Variants in CDH13 observed in about 807,000 individuals in gnomAD.
The protein encoded by CDH13 is cadherin 13.
A neutral mutation model predicts 63.8 loss-of-function variants in CDH13; 24 were observed. The observed-to-expected ratio is 0.38, with a 90% CI of 0.27 to 0.53. The LOEUF is 0.53. Among genes scored for constraint, CDH13 ranks in the 20% least tolerant of loss-of-function variants. The pLI, the probability that CDH13 is intolerant of heterozygous loss-of-function variation, is 0.85. For missense variants in CDH13, 1,049 were observed against 903.1 expected, an observed-to-expected ratio of 1.16 and a Z score of -2.07; for synonymous variants, 503 against 355.3, an observed-to-expected ratio of 1.42 and a Z score of -4.67.
In CDH13 at chr16:83,286,795, TACAC is replaced by T. The variant is rs529791841; in HGVS notation, c.637-58059_637-58056del. Among the ~76,000 whole-genome samples the T allele has an allele frequency of 3.8e-3, 572 of 150,002 alleles. 3 individuals are homozygous for T. The highest frequency in any genetic ancestry group is 0.013 in the African/African-American group (541 of 41,088). On this transcript the variant is annotated intron_variant, in intron 5 of 13. Transcript: ENST00000567109. ...GTATATATATATATTTATATATATATACACACACACATATAAATATATTTACATC... is the reference window on the plus strand; with the variant it reads ...GTATATATATATATTTATATATATATACACACATATAAATATATTTACATC...
At chr16:83,212,464 A>G (rs1011106693) in intron 4 of CDH13, among the ~76,000 whole-genome samples, 14 of 152,168 alleles carry the variant, frequency 9.2e-5, no homozygotes, top group African/African-American at 2.9e-4. Context: ...CCTCCAAGCC[A>G]TGGGGTGCCT....
intron 2 of CDH13, among the ~76,000 whole-genome samples, chr16:82,988,418 G>A (rs1263823394): frequency 6.6e-6 from 1 of 152,042 alleles, no homozygotes; most frequent in African/African-American, 2.4e-5. Context: ...AGTTATAGAG[G>A]CAGATGTTGA....
In CDH13 at chr16:83,451,473, T is replaced by C. The variant is rs150130948; in HGVS notation, c.782-35004T>C. On this transcript the variant is annotated intron_variant, in intron 6 of 13. Transcript: ENST00000567109. ...CAATTGTGGGAGCTACAATTCAAGA[T>C]TTGGGTGGGGACACAGCCAAACCAT... 2.7e-3 allele frequency among the ~76,000 whole-genome samples: 411 copies of C among 152,302 alleles called. 3 individuals are homozygous for C. The highest frequency in any genetic ancestry group is 9.5e-3 in the African/African-American group (393 of 41,574).
intron 10 of CDH13, among the ~76,000 whole-genome samples, chr16:83,740,193 G>C (rs754833222): frequency 1.4e-4 from 22 of 152,016 alleles, no homozygotes; most frequent in Non-Finnish European, 2.9e-4. Context: ...AGAAAGTCAG[G>C]CAGGTCCAGA....
At chr16:82,992,359 A>G (rs146752283) in intron 2 of CDH13, among the ~76,000 whole-genome samples, 30 of 152,352 alleles carry the variant, frequency 2.0e-4, no homozygotes, top group African/African-American at 7.0e-4. Flanking sequence ...ACTCCATTAA[A>G]TGGAGATTTT....
In CDH13 at chr16:82,987,507, G is replaced by C. The variant is rs60565163; in HGVS notation, c.158-44503G>C. ...TTCTCCTGCCTCAGCCTCCTCTGTA[G>C]CTGGTATTACAGGCCCCTAAAACCA... On this transcript the variant is annotated intron_variant, in intron 2 of 13. Coordinates refer to ENST00000567109, the MANE Select transcript of CDH13 (RefSeq NM_001257.5). Among the ~76,000 whole-genome samples the C allele has an allele frequency of 1.2e-3, 179 of 152,256 alleles. 1 individual carries two copies. The highest frequency in any genetic ancestry group is 4.2e-3 in the African/African-American group (173 of 41,540).
At position 82,872,350 on chromosome 16, in the gene CDH13, T is replaced by C. The variant is rs547972670; in HGVS notation, c.157+13877T>C. Among the ~76,000 whole-genome samples the C allele has an allele frequency of 1.1e-4, 16 of 152,340 alleles. 1 individual carries two copies. The South Asian group carries it at 3.1e-3, about 30-fold the overall frequency. Reference sequence around the variant, plus strand: ...GCCTCACTCTTCAACCTGTTGAGTGTCTTCACTCACTTGGTTCTGGAGCTG... The same window carrying C: ...GCCTCACTCTTCAACCTGTTGAGTGCCTTCACTCACTTGGTTCTGGAGCTG... On this transcript the variant is annotated intron_variant, in intron 2 of 13. Coordinates refer to ENST00000567109, the MANE Select transcript of CDH13 (RefSeq NM_001257.5).
At chr16:83,233,585 C>T (rs910380094) in intron 5 of CDH13, among the ~76,000 whole-genome samples, 1 of 152,166 alleles carries the variant, frequency 6.6e-6, no homozygotes, top group Non-Finnish European at 1.5e-5. Flanking sequence ...CCGACCTTTT[C>T]CAACTTTTGG....
At chr16:83,236,472 CTT>C (rs1359750714) in intron 5 of CDH13, among the ~76,000 whole-genome samples, 2 of 152,142 alleles carry the variant, frequency 1.3e-5, no homozygotes, top group Non-Finnish European at 2.9e-5. Context: ...AGAAGTTACT[CTT>C]TGAATAATAT....
chr16:83,054,550 C>G (rs2030725139), intron 3 of CDH13, among the ~76,000 whole-genome samples: 1 of 151,906 alleles, frequency 6.6e-6, no homozygotes, highest in African/African-American at 2.4e-5. Flanking sequence ...TCACACTACT[C>G]AGAATGGCTC....
chr16:83,737,509 C>CT (rs200309667), intron 10 of CDH13, among the ~76,000 whole-genome samples: 1,826 of 148,360 alleles, frequency 0.012, 66 homozygotes, highest in Admixed American at 0.073. Flanking sequence ...TAATAGGGTT[C>CT]TTTTTTTTTT....
At chr16:83,171,199 C>T (rs1301547783) in intron 4 of CDH13, among the ~76,000 whole-genome samples, 1 of 152,060 alleles carries the variant, frequency 6.6e-6, no homozygotes, top group East Asian at 1.9e-4. Flanking sequence ...GGCACTTCTT[C>T]CTGGCAGAAC....
chr16:83,133,476 C>T (rs567897510), intron 4 of CDH13, among the ~76,000 whole-genome samples: 1 of 152,076 alleles, frequency 6.6e-6, no homozygotes, highest in South Asian at 2.1e-4. Flanking sequence ...TAAATAAGGC[C>T]TATTTTTGAT....
intron 7 of CDH13, among the ~76,000 whole-genome samples, chr16:83,521,150 A>G (rs1182135389): frequency 1.3e-5 from 2 of 152,200 alleles, no homozygotes; most frequent in Non-Finnish European, 2.9e-5. Flanking sequence ...GAAAACCAGC[A>G]CTTTGCTAAC....
At chr16:83,156,452 C>T (rs942289799) in intron 4 of CDH13, among the ~76,000 whole-genome samples, 3 of 152,100 alleles carry the variant, frequency 2.0e-5, no homozygotes, top group African/African-American at 7.2e-5. Context: ...TCTACAAAGG[C>T]GACATGTACT....
intron 2 of CDH13, among the ~76,000 whole-genome samples, chr16:82,997,203 A>G (rs901808096): frequency 4.6e-5 from 7 of 151,752 alleles, no homozygotes; most frequent in African/African-American, 1.5e-4. Flanking sequence ...GGTAGTGATG[A>G]TGATAATGAT....
At chr16:82,656,918 CTTT>C (rs200722234) in intron 1 of CDH13, among the ~76,000 whole-genome samples, 268 of 131,022 alleles carry the variant, frequency 2.0e-3, no homozygotes, top group Admixed American at 4.3e-3. Context: ...TTTGGTAGCT[CTTT>C]TTTTTTTTTT....
intron 5 of CDH13, among the ~76,000 whole-genome samples, chr16:83,265,727 C>CTT (rs71272416): frequency 0.021 from 909 of 42,452 alleles, 277 homozygotes; most frequent in East Asian, 0.062. Flanking sequence ...TAAATTTCTG[C>CTT]TTTTTTTTTT....
intron 3 of CDH13, among the ~76,000 whole-genome samples, chr16:83,095,678 C>T (rs764558919): frequency 2.6e-5 from 4 of 152,032 alleles, no homozygotes; most frequent in Non-Finnish European, 5.9e-5. Flanking sequence ...TTGAAGTGAC[C>T]GGTACAACCT....
Sources: allele counts gnomAD v4.1 joint callset (sites outside exome capture counted in the v4.1 genomes callset), GRCh38; gene constraint gnomAD v4.1.1; transcripts MANE v1.5; gene names NCBI Gene and HGNC (gene_info 2026-07-23, HGNC 2026-07-21).